The following LRP1B variants were observed in gnomAD, a reference collection of about 807,000 sequenced individuals.
LRP1B encodes low-density lipoprotein receptor-related protein 1B.
In LRP1B, 217 loss-of-function variants were observed where a neutral mutation model predicts 556.6. The ratio of observed to expected loss-of-function variants is 0.39; its 90% CI spans 0.35 to 0.44. The LOEUF (loss-of-function observed/expected upper bound fraction) is 0.44, where lower values mean the gene tolerates loss of function less well. LRP1B is among the 20% of genes least tolerant of loss of function. The pLI is 1.00. For synonymous variants in LRP1B, 2,047 were observed against 1,865.8 expected, an observed-to-expected ratio of 1.10 and a Z score of -2.50; for missense variants, 5,053 against 5,620.8, an observed-to-expected ratio of 0.90 and a Z score of 3.23.
chr2:141,893,989 C>T, intron 1 of LRP1B, among the ~76,000 whole-genome samples: 1 of 151,652 alleles, frequency 6.6e-6, no homozygotes, highest in African/African-American at 2.4e-5. Flanking sequence ...TAATGGACTT[C>T]TCAAGAAGTA....
chr2:140,841,649 G>A (rs1429369), intron 29 of LRP1B, among the ~76,000 whole-genome samples: 69,744 of 152,008 alleles, frequency 0.46, 17,871 homozygotes, highest in Non-Finnish European at 0.57. Flanking sequence ...TCCCTTCAAC[G>A]TGGATTCTGC....
chr2:141,048,532 G>A (rs1340630478), intron 11 of LRP1B, among the ~76,000 whole-genome samples: 2 of 152,106 alleles, frequency 1.3e-5, no homozygotes, highest in African/African-American at 2.4e-5. Flanking sequence ...TTTCAGTGAT[G>A]TGTAAAGTAA....
intron 35 of LRP1B, among the ~76,000 whole-genome samples, chr2:140,751,117 C>G (rs416549): frequency 6.8e-6 from 1 of 147,668 alleles, no homozygotes; most frequent in Admixed American, 6.8e-5. Context: ...CTCAGCCTCC[C>G]GAGTAGCTGG....
intron 66 of LRP1B, among the ~76,000 whole-genome samples, chr2:140,428,040 C>G (rs1685738734): frequency 6.6e-6 from 1 of 152,118 alleles, no homozygotes. Flanking sequence ...TCTTTTTCAT[C>G]AAATATAAAA....
chr2:141,544,686 G>A (rs181230139), intron 2 of LRP1B, among the ~76,000 whole-genome samples: 1 of 151,772 alleles, frequency 6.6e-6, no homozygotes, highest in Admixed American at 6.6e-5. Context: ...TATTTTTTGG[G>A]ACAGGGTCTC....
rs569554103 is a variant in LRP1B at position 140,305,944 on chromosome 2, C to A, written c.12806-7975G>T. Among the ~76,000 whole-genome samples the A allele has an allele frequency of 7.2e-5, 11 of 151,776 alleles. No individual in the cohort carries two copies. The South Asian group carries it at 2.3e-3, about 32-fold the overall frequency. On this transcript the variant is annotated intron_variant, in intron 83 of 90. Transcript: ENST00000389484. ...TTTTGTCTTTGGTTCTGTTTATATG[C>A]TGGATTACATTTATTGATTTGCGTA...
intron 7 of LRP1B, among the ~76,000 whole-genome samples, chr2:141,087,647 G>C (rs1322530863): frequency 1.3e-5 from 2 of 152,142 alleles, no homozygotes; most frequent in Non-Finnish European, 2.9e-5. Flanking sequence ...TAGTACTCAA[G>C]ATGAACATGG....
intron 2 of LRP1B, among the ~76,000 whole-genome samples, chr2:141,559,090 A>G (rs558953017): frequency 1.9e-4 from 29 of 151,696 alleles, no homozygotes; most frequent in African/African-American, 6.7e-4. Context: ...TTGGTACACT[A>G]TTTTGATGCA....
chr2:141,551,449 G>A (rs1685747685), intron 2 of LRP1B, among the ~76,000 whole-genome samples: 1 of 151,868 alleles, frequency 6.6e-6, no homozygotes, highest in African/African-American at 2.4e-5. Context: ...TGCCATCCAA[G>A]GTTACACCAA....
rs563198463 is a variant in LRP1B, at chr2:141,247,212, T to C, written c.592+14A>G. The stretch of plus-strand genomic sequence containing the variant: ...TAATTCTGGAAAGACAAAAAATAAA[T>C]GGTCATAACTTACCAATTTTAGCCT... On this transcript the variant is annotated intron_variant, in intron 5 of 90. Transcript: ENST00000389484. The C allele has an allele frequency of 6.2e-6, 10 of 1,612,220 alleles. No individual in the cohort carries two copies. In the South Asian group the frequency reaches 7.7e-5, roughly 12 times the overall value.
At chr2:140,567,703 C>A (rs553264725) in intron 43 of LRP1B, among the ~76,000 whole-genome samples, 2 of 152,300 alleles carry the variant, frequency 1.3e-5, no homozygotes, top group African/African-American at 4.8e-5. Context: ...TGTGCCACCA[C>A]AGTTGCTTGT....
intron 4 of LRP1B, among the ~76,000 whole-genome samples, chr2:141,247,720 T>C (rs1684119011): frequency 6.6e-6 from 1 of 152,148 alleles, no homozygotes; most frequent in South Asian, 2.1e-4. Flanking sequence ...AGAATTCGAC[T>C]AGTAACATGG....
At chr2:140,719,119 G>T (rs187608121) in intron 35 of LRP1B, among the ~76,000 whole-genome samples, 3 of 152,040 alleles carry the variant, frequency 2.0e-5, no homozygotes, top group Admixed American at 1.3e-4. Context: ...TATTTCATTT[G>T]CTGTTTTATC....
At chr2:140,674,165 G>T (rs1685588216) in intron 41 of LRP1B, among the ~76,000 whole-genome samples, 1 of 151,852 alleles carries the variant, frequency 6.6e-6, no homozygotes. Context: ...GGTCAGGCTG[G>T]TCTCAAACTC....
Position 140,247,149 on chromosome 2 carries a change from A to G in LRP1B, c.13261T>C (p.Trp4421Arg). The part of the protein sequence containing the change: ...NVPVCLCSTN[W>R]SGTQCERPAP... ...GGCCTTTCACACTGTGTGCCTGACC[A>G]GTTGGTGGAGCATCTAAAAATATCC... The change falls in exon 87 of 91, where the codon TGG (tryptophan) becomes CGG (arginine). Residue 4421 changes from tryptophan (W) to arginine (R), a missense_variant. By Grantham distance (101) the Trp-to-Arg change is moderately radical. Around this residue, in one of 5 missense-constraint regions of LRP1B, gnomAD observed 551 missense variants for 592.0 expected, o/e 0.93. Transcript: ENST00000389484. The G allele has an allele frequency of 1.2e-6, 2 of 1,608,482 alleles. No individual in the cohort carries two copies. The highest frequency in any genetic ancestry group is 2.2e-5 in the South Asian group (2 of 90,986).
At chr2:140,736,675 A>G (rs1486548050) in intron 35 of LRP1B, among the ~76,000 whole-genome samples, 1 of 152,176 alleles carries the variant, frequency 6.6e-6, no homozygotes, top group Non-Finnish European at 1.5e-5. Context: ...GGCTAGCCAT[A>G]TGTAGAAAGC....
In LRP1B at chr2:141,227,640, ATCTTCAAAATGT is replaced by A. The variant is rs1683297977; in HGVS notation, c.850+1531_850+1542del. On this transcript the variant is annotated intron_variant, in intron 6 of 90. Transcript: ENST00000389484. ...CTTTATCAATTGTTTCATTAAGAGG[ATCTTCAAAATGT>A]TCGACAATATTTGTTAAACACTTTG... 2.6e-5 allele frequency among the ~76,000 whole-genome samples: 4 copies of A among 152,094 alleles called. No individual in the cohort carries two copies. In the South Asian group the frequency reaches 8.3e-4, roughly 32 times the overall value.
chr2:141,365,915 C>T (rs549665947), intron 3 of LRP1B, among the ~76,000 whole-genome samples: 11 of 152,144 alleles, frequency 7.2e-5, no homozygotes, highest in African/African-American at 2.4e-4. Context: ...CCTTGTGACC[C>T]GCCCACCTCA....
In LRP1B at chr2:140,414,579, G is replaced by A. The variant is rs867393679; in HGVS notation, c.10414+27925C>T. Among the ~76,000 whole-genome samples the A allele has an allele frequency of 4.6e-5, 7 of 152,018 alleles. No individual in the cohort carries two copies. In the South Asian group the frequency reaches 8.3e-4, roughly 18 times the overall value. ...GAATAGAGGGACCAGCTGGAGCCGC[G>A]GCAGAGGAACATAAATTGCAAAGAT... On this transcript the variant is annotated intron_variant, in intron 66 of 90. Coordinates refer to ENST00000389484, the MANE Select transcript of LRP1B (RefSeq NM_018557.3).
Sources: allele counts gnomAD v4.1 joint callset (sites outside exome capture counted in the v4.1 genomes callset), GRCh38; gene constraint gnomAD v4.1.1; regional missense constraint gnomAD v4.1.1; transcripts MANE v1.5; gene names NCBI Gene and HGNC (gene_info 2026-07-23, HGNC 2026-07-21).